C12orf54: variants seen among roughly 807,000 people sequenced by gnomAD.
C12orf54 encodes the protein uncharacterized protein C12orf54.
C12orf54 carries 24 observed loss-of-function variants against 26.4 expected under a neutral mutation model. That is an observed-to-expected ratio of 0.91 (90% CI 0.66 to 1.28). C12orf54 has a LOEUF of 1.28. Among genes scored for constraint, C12orf54 ranks in the 50% most tolerant of loss-of-function variants. The pLI is 0.00. For synonymous variants in C12orf54, 54 were observed against 47.0 expected, an observed-to-expected ratio of 1.15 and a Z score of -0.61; for missense variants, 154 against 150.9, an observed-to-expected ratio of 1.02 and a Z score of -0.11.
chr12:48,473,654 A>G, the C12orf54 span: 38,449 of 257,890 alleles, frequency 0.15, 5,365 homozygotes, highest in East Asian at 0.67. Context: ...CCTTGTGTCC[A>G]GTTTTTGTCC....
At chr12:48,495,698 A>G (rs1937897241) in intron 8 of C12orf54, 1 of 152,554 alleles carries the variant, frequency 6.6e-6, no homozygotes, top group Non-Finnish European at 1.5e-5. Flanking sequence ...GTTATAGGTG[A>G]TGGAGAAAAT....
intron 7 of C12orf54, 130 bp downstream of exon 7, chr12:48,493,125 T>C (rs1435672459): frequency 2.5e-6 from 2 of 786,778 alleles, no homozygotes; most frequent in Non-Finnish European, 4.3e-6. Flanking sequence ...GGGCAAGAAG[T>C]GCCTCCCCAC....
intron 1 of C12orf54, among the ~76,000 whole-genome samples, 163 bp downstream of exon 1, chr12:48,482,739 A>G (rs1954211003): frequency 6.6e-6 from 1 of 150,486 alleles, no homozygotes; most frequent in Non-Finnish European, 1.5e-5. Flanking sequence ...TTAAGGCTGG[A>G]GCTGATGGCC....
In C12orf54 at chr12:48,483,311, C is replaced by G. The variant is rs1359677777; in HGVS notation, c.15C>G (p.Pro5=). Residue 5 remains proline (P), a synonymous_variant, in exon 2 of 9, where the codon CCC becomes CCG. Transcript: ENST00000548364. MAQH[P]CQDQEQKVEM... Reference sequence around the variant, plus strand: ...TCTGAGAACAAATGGCACAGCATCCCTGCCAGGATCAGGAACAAAAGGTAG... The same window carrying G: ...TCTGAGAACAAATGGCACAGCATCCGTGCCAGGATCAGGAACAAAAGGTAG... 1.2e-6 allele frequency: 2 copies of G among 1,613,868 alleles called. No homozygotes were observed. Among genetic ancestry groups the G allele is most frequent in the Admixed American group, 3.3e-5 (2 of 59,986 alleles).
At chr12:48,475,575 T>C in the C12orf54 span, among the ~76,000 whole-genome samples, 1 of 152,136 alleles carries the variant, frequency 6.6e-6, no homozygotes, top group Admixed American at 6.5e-5. Flanking sequence ...CTGAAAACCA[T>C]GGCACGAGAG....
the C12orf54 span, among the ~76,000 whole-genome samples, chr12:48,430,801 C>G: frequency 6.6e-6 from 1 of 152,188 alleles, no homozygotes; most frequent in African/African-American, 2.4e-5. Flanking sequence ...TACTGAGTAT[C>G]TACCCAGAGG....
At chr12:48,452,844 A>ATAG in the C12orf54 span, among the ~76,000 whole-genome samples, 4 of 151,908 alleles carry the variant, frequency 2.6e-5, no homozygotes, top group Non-Finnish European at 4.4e-5. Flanking sequence ...AAAATAACAG[A>ATAG]ACTAGCAAGA....
chr12:48,492,747 G>A (rs915223609), intron 6 of C12orf54, 200 bp from the exon 7 acceptor site: 18 of 586,290 alleles, frequency 3.1e-5, no homozygotes, highest in East Asian at 1.7e-4. Flanking sequence ...GCCATGATCC[G>A]CTCTGCTTCA....
chr12:48,463,775 C>T, the C12orf54 span, among the ~76,000 whole-genome samples: 1 of 152,028 alleles, frequency 6.6e-6, no homozygotes, highest in African/African-American at 2.4e-5. Flanking sequence ...GTTGGTTCAA[C>T]ATATACAATT....
chr12:48,434,127 A>T, the C12orf54 span, among the ~76,000 whole-genome samples: 1 of 152,098 alleles, frequency 6.6e-6, no homozygotes, highest in African/African-American at 2.4e-5. Context: ...CCCACACATG[A>T]CTCGGAGGGT....
chr12:48,444,432 G>C, the C12orf54 span, among the ~76,000 whole-genome samples: 1 of 152,306 alleles, frequency 6.6e-6, no homozygotes, highest in East Asian at 1.9e-4. Flanking sequence ...CCATTCACCA[G>C]CACTAGAAAC....
the C12orf54 span, among the ~76,000 whole-genome samples, chr12:48,443,406 G>A: frequency 0.066 from 10,114 of 152,210 alleles, 1,138 homozygotes; most frequent in African/African-American, 0.23. Context: ...AGCAGATTTG[G>A]TGTTGGGGAG....
Position 48,486,713 on chromosome 12 carries a change from C to A in C12orf54, c.122C>A (p.Thr41Asn), listed in dbSNP as rs757969295. 1 of 1,613,392 alleles carries A rather than the reference C, an allele frequency of 6.2e-7. No individual in the cohort carries two copies. Among genetic ancestry groups the A allele is most frequent in the African/African-American group, 1.3e-5 (1 of 75,022 alleles). The change falls in exon 4 of 9, where the codon ACC becomes AAC. Residue 41 changes from threonine (T) to asparagine (N), a missense_variant. Transcript: ENST00000548364. ...GAAAAACAGGTAACCATCACTGAAA[C>A]CCTGTGGGACCAGGTGAGTACAGAG... ...PQEKQVTITE[T>N]LWDQVLTVFK...
At chr12:48,415,563 AT>A in the C12orf54 span, among the ~76,000 whole-genome samples, 4 of 149,168 alleles carry the variant, frequency 2.7e-5, no homozygotes, top group Non-Finnish European at 6.0e-5. Context: ...AAATTTTATG[AT>A]TTTCCTCCTT....
At chr12:48,466,416 G>A in the C12orf54 span, among the ~76,000 whole-genome samples, 4 of 151,964 alleles carry the variant, frequency 2.6e-5, no homozygotes, top group African/African-American at 9.7e-5. Flanking sequence ...ATGGTGACGT[G>A]CACCTGTAAT....
intron 6 of C12orf54, among the ~76,000 whole-genome samples, chr12:48,491,691 C>G (rs2137095617): frequency 1.3e-5 from 2 of 152,178 alleles, no homozygotes; most frequent in Middle Eastern, 6.8e-3. Context: ...TTCAAATGCC[C>G]AGATGCTAAT....
At chr12:48,432,495 A>G in the C12orf54 span, among the ~76,000 whole-genome samples, 1 of 145,576 alleles carries the variant, frequency 6.9e-6, no homozygotes. Context: ...AAACATGAGA[A>G]GCTTTCTCAT....
the C12orf54 span, among the ~76,000 whole-genome samples, chr12:48,424,318 G>A: frequency 1.3e-5 from 2 of 152,046 alleles, no homozygotes; most frequent in African/African-American, 4.8e-5. Flanking sequence ...ATTCTTGTAT[G>A]TTTTTGTCTG....
chr12:48,468,916 G>A, the C12orf54 span, among the ~76,000 whole-genome samples: 1 of 152,090 alleles, frequency 6.6e-6, no homozygotes, highest in African/African-American at 2.4e-5. Flanking sequence ...ATGTCGGCAG[G>A]TTCCATGATG....
Sources: gnomAD v4.1 joint callset for allele counts (sites outside exome capture counted in the v4.1 genomes callset) on GRCh38, gnomAD v4.1.1 for gene constraint, MANE v1.5 for transcripts, NCBI Gene and HGNC (gene_info 2026-07-23, HGNC 2026-07-21) for gene names.